Variants in ZNF48 observed in about 807,000 individuals in gnomAD.
The protein encoded by ZNF48 is zinc finger protein 553.
Under a neutral mutation model 40.0 loss-of-function variants are expected in ZNF48, and 20 were observed. That is an observed-to-expected ratio of 0.50 (90% CI 0.35 to 0.73). The LOEUF (loss-of-function observed/expected upper bound fraction) is 0.73. ZNF48 is among the 30% of genes least tolerant of loss of function. The pLI, the probability that ZNF48 is intolerant of heterozygous loss-of-function variation, is 0.01. For missense variants in ZNF48, 726 were observed against 851.9 expected, an observed-to-expected ratio of 0.85 and a Z score of 1.84; for synonymous variants, 298 against 329.7, an observed-to-expected ratio of 0.90 and a Z score of 1.04.
chr16:30,399,044 C>T lies in ZNF48; in HGVS notation c.1794C>T (p.Pro598=). 2 of 1,612,632 alleles carry T rather than the reference C, an allele frequency of 1.2e-6. No homozygotes were observed. The highest frequency in any genetic ancestry group is 1.7e-6 in the Non-Finnish European group (2 of 1,179,232). ...KHQRGHLVLT[P]FGIGDGRARP... ...AGCGTGGGCACCTGGTCCTGACGCC[C>T]TTTGGGATAGGGGATGGTAGGGCAA... The change falls in exon 3 of 3, where the codon CCC becomes CCT. Residue 598 remains proline, a synonymous_variant. Transcript: ENST00000613509.
At position 30,382,010 on chromosome 16, in the gene ZNF48, C is replaced by G; in HGVS notation, c.-16+3600C>G. On this transcript the variant is annotated intron_variant, in intron 1 of 2. Transcript: ENST00000528032. This position sits in a 1 kb window ranked among gnomAD's most constrained non-coding sequence, Gnocchi z 4.8. ...AAAGTCTCAGAAAAAAAGCAGTCAA[C>G]TACCTGAGTCCCCAGATGGAAAAGA... is the stretch of plus-strand genomic sequence containing the variant. 1 of 1,600,406 alleles carries G rather than the reference C, an allele frequency of 6.2e-7. No homozygotes were observed. The highest frequency in any genetic ancestry group is 8.5e-7 in the Non-Finnish European group (1 of 1,169,766).
rs528050334 is a variant in ZNF48 at position 30,378,947 on chromosome 16, G to T, written c.-16+537G>T. Reference sequence around the variant, plus strand: ...AGGCGGAGTCACGGGTGGTGGGGACGAGTCCTCAGGGCGGGGTCATGGGTG... The same window carrying T: ...AGGCGGAGTCACGGGTGGTGGGGACTAGTCCTCAGGGCGGGGTCATGGGTG... On this transcript the variant is annotated intron_variant, in intron 1 of 2. Transcript: ENST00000528032. 5.4e-6 allele frequency: 8 copies of T among 1,485,254 alleles called. No homozygotes were observed. In the South Asian group the frequency reaches 7.3e-5, roughly 14 times the overall value. 92.0% of individuals were successfully genotyped at this position (1,485,254 alleles called of 1,614,324 possible).
Position 30,397,889 on chromosome 16 carries a change from A to G in ZNF48, c.639A>G (p.Thr213=). 6.2e-7 allele frequency: 1 copy of G among 1,612,482 alleles called. No homozygotes were observed. The change falls in exon 3 of 3, where the codon ACA becomes ACG. Residue 213 remains threonine, a synonymous_variant. Transcript: ENST00000613509. The surrounding 1 kb of genome is among the most constrained non-coding windows in gnomAD (Gnocchi z 4.1). ...QSSDLVKHQR[T]HTGEKPYKCG... ...CTGACCTGGTGAAACACCAGCGGACACACACTGGTGAGAAGCCCTACAAGT... is the reference window on the plus strand; with the variant it reads ...CTGACCTGGTGAAACACCAGCGGACGCACACTGGTGAGAAGCCCTACAAGT...
upstream of ZNF48, among the ~76,000 whole-genome samples, chr16:30,392,785 TCTCTGTGCGCTACA>T (rs746964537): frequency 1.3e-5 from 2 of 152,194 alleles, no homozygotes; most frequent in Non-Finnish European, 2.9e-5. Context: ...ACAGAAGGTA[TCTCTGTGCGCTACA>T]CTCCTATAAA....
intron 1 of ZNF48, chr16:30,380,804 G>T (rs2049835032): frequency 2.7e-6 from 1 of 370,918 alleles, no homozygotes; most frequent in Non-Finnish European, 5.0e-6. Context: ...GGCCGAGAGA[G>T]ATATAAGCAG....
At chr16:30,394,251 C>T (rs2049962958), upstream of ZNF48, among the ~76,000 whole-genome samples, 1 of 152,166 alleles carries the variant, frequency 6.6e-6, no homozygotes, top group Non-Finnish European at 1.5e-5. Context: ...AAGGACAAAT[C>T]TTGCAGGTGT....
At chr16:30,392,664 A>G (rs530011898), upstream of ZNF48, among the ~76,000 whole-genome samples, 5 of 152,230 alleles carry the variant, frequency 3.3e-5, no homozygotes, top group South Asian at 1.0e-3. Context: ...AGTTTGGGAA[A>G]CAGAAGCTTA....
chr16:30,385,146 A>C (rs1027001883), intron 1 of ZNF48, among the ~76,000 whole-genome samples: 2 of 150,874 alleles, frequency 1.3e-5, no homozygotes, highest in Admixed American at 6.6e-5. Flanking sequence ...TTGCACTCCA[A>C]TCTGGGCAAC....
At chr16:30,386,520 A>G (rs985699784) in intron 1 of ZNF48, among the ~76,000 whole-genome samples, 6 of 152,070 alleles carry the variant, frequency 3.9e-5, no homozygotes, top group Admixed American at 6.6e-5. Context: ...AAAAAATACA[A>G]AAATTAGCTG....
At chr16:30,393,542 G>A (rs536397988), upstream of ZNF48, among the ~76,000 whole-genome samples, 4 of 151,652 alleles carry the variant, frequency 2.6e-5, no homozygotes, top group Non-Finnish European at 5.9e-5. Flanking sequence ...GTGCCACCAC[G>A]CCCTGCTAAG....
In ZNF48 at chr16:30,395,878, G is replaced by C. The variant is rs1372213383; in HGVS notation, c.79+5G>C. The C allele has an allele frequency of 6.5e-6, 10 of 1,527,824 alleles. 1 individual carries two copies. The Admixed American group carries it at 2.0e-4, about 30-fold the overall frequency. The allele number at this position is 1,527,824 out of a possible 1,614,324, so 94.6% of individuals were successfully genotyped here. ...CACAGAGAGGCGCCCGCACAGGTGAGGGCCTCGGCCGTGCGCCGCCACGGA... is the reference window on the plus strand; with the variant it reads ...CACAGAGAGGCGCCCGCACAGGTGACGGCCTCGGCCGTGCGCCGCCACGGA... On this transcript the variant is annotated splice_donor_5th_base_variant and intron_variant, in intron 2 of 2. Coordinates refer to ENST00000613509, the MANE Select transcript of ZNF48 (RefSeq NM_001214909.2). The surrounding 1 kb of genome is among the most constrained non-coding windows in gnomAD (Gnocchi z 5.9).
In ZNF48 at chr16:30,382,192, C is replaced by G; in HGVS notation, c.-16+3782C>G. ...AGGCCTGACTCCCCTGTGGACAGAA[C>G]AGGCCCAACTGGTCAGGGGAGGGGA... On this transcript the variant is annotated intron_variant, in intron 1 of 2. Transcript: ENST00000528032. This position sits in a 1 kb window ranked among gnomAD's most constrained non-coding sequence, Gnocchi z 4.8. 1 of 1,612,410 alleles carries G rather than the reference C, an allele frequency of 6.2e-7. No homozygotes were observed. Among genetic ancestry groups the G allele is most frequent in the Admixed American group, 1.7e-5 (1 of 59,720 alleles).
At chr16:30,396,749 G>A (rs913149439) in intron 2 of ZNF48, among the ~76,000 whole-genome samples, 5 of 148,452 alleles carry the variant, frequency 3.4e-5, no homozygotes, top group African/African-American at 1.3e-4. Context: ...GGCTAGAGTG[G>A]CACAATCACA....
intron 1 of ZNF48, among the ~76,000 whole-genome samples, chr16:30,384,107 T>TG (rs1234548773): frequency 6.6e-6 from 1 of 151,882 alleles, no homozygotes; most frequent in African/African-American, 2.4e-5. Context: ...TCCAGCTACT[T>TG]GGGAATCTGA....
chr16:30,398,145 G>C lies in ZNF48; in HGVS notation c.895G>C (p.Gly299Arg), dbSNP rs137913110. Residue 299 changes from glycine (G) to arginine (R), a missense_variant, in exon 3 of 3, where the codon GGG becomes CGG. Around this residue, in one of 5 missense-constraint regions of ZNF48, gnomAD observed 378 missense variants for 449.1 expected, o/e 0.84. Coordinates refer to ENST00000613509, the MANE Select transcript of ZNF48 (RefSeq NM_001214909.2). This position sits in a 1 kb window ranked among gnomAD's most constrained non-coding sequence, Gnocchi z 6.6. ...SLLSHQRSHL[G>R]PKPFGCDVCG... is the part of the protein sequence containing the mutation. ...CCTGAGTCACCAGCGTAGTCACTTG[G>C]GGCCCAAGCCCTTTGGCTGTGATGT... The C allele has an allele frequency of 2.1e-3, 3,453 of 1,613,858 alleles. 4 individuals carry two copies. Among genetic ancestry groups the C allele is most frequent in the Non-Finnish European group, 2.7e-3 (3,222 of 1,179,862 alleles).
At chr16:30,384,604 C>G (rs750123842) in intron 1 of ZNF48, among the ~76,000 whole-genome samples, 1 of 151,922 alleles carries the variant, frequency 6.6e-6, no homozygotes, top group Non-Finnish European at 1.5e-5. Context: ...GGGCTGGGTG[C>G]GGTGGCTCAT....
rs967091520 is a variant in ZNF48, at chr16:30,399,345, C to G, written c.*238C>G. On this transcript the variant is annotated 3_prime_UTR_variant, in exon 3 of 3. Coordinates refer to ENST00000613509, the MANE Select transcript of ZNF48 (RefSeq NM_001214909.2). ...CCCTGGCTTCTAGAAGACTGCCTAG[C>G]ACACAGTAGGCATTCAATACTTGTT... 91 of 476,078 alleles carry G rather than the reference C, an allele frequency of 1.9e-4. 1 individual carries two copies. The highest frequency in any genetic ancestry group is 2.3e-4 in the Non-Finnish European group (62 of 268,674). 29.5% of individuals were successfully genotyped at this position (476,078 alleles called of 1,614,324 possible). A position where few individuals can be genotyped will look rare whatever the true frequency, so the allele number is the denominator to read the frequency against.
chr16:30,392,108 C>T (rs1597016542), upstream of ZNF48, among the ~76,000 whole-genome samples: 1 of 152,216 alleles, frequency 6.6e-6, no homozygotes, highest in Admixed American at 6.5e-5. Flanking sequence ...CTGGAAGCTC[C>T]GCCTCCCAGG....
intron 1 of ZNF48, among the ~76,000 whole-genome samples, chr16:30,387,379 A>C (rs138804090): frequency 1.4e-5 from 2 of 146,776 alleles, no homozygotes. Context: ...ACATGTTGAA[A>C]TCCTGTCTCT....
Sources: allele counts gnomAD v4.1 joint callset (sites outside exome capture counted in the v4.1 genomes callset), GRCh38; gene constraint gnomAD v4.1.1; regional missense constraint gnomAD v4.1.1; non-coding constraint Gnocchi (gnomAD v3.1); transcripts MANE v1.5; gene names NCBI Gene and HGNC (gene_info 2026-07-23, HGNC 2026-07-21).